Variants in GLG1 observed in about 807,000 individuals in gnomAD.
GLG1 encodes the protein golgi glycoprotein 1.
A neutral mutation model predicts 160.5 loss-of-function variants in GLG1; 38 were observed. The ratio of observed to expected loss-of-function variants is 0.24; its 90% CI spans 0.18 to 0.31. The LOEUF is 0.31. GLG1 is among the 10% of genes least tolerant of loss of function. The probability of loss-of-function intolerance (pLI) is 1.00; values close to 1 mark genes in which losing one functional copy is unlikely to be tolerated. For synonymous variants in GLG1, 644 were observed against 543.4 expected (o/e 1.19, Z -2.57); for missense variants, 1,373 against 1,505.2 (o/e 0.91, Z 1.45).
chr16:74,472,772 A>G (rs2015251481), intron 13 of GLG1: 3 of 380,832 alleles, frequency 7.9e-6, no homozygotes, highest in South Asian at 4.0e-5. Context: ...ACTGATATCC[A>G]TCTTCAGTTT....
intron 1 of GLG1, among the ~76,000 whole-genome samples, chr16:74,544,226 C>T (rs536536594): frequency 3.9e-5 from 6 of 152,228 alleles, no homozygotes; most frequent in South Asian, 4.1e-4. Context: ...CTATGCAGCA[C>T]AAATTTTGGA....
chr16:74,463,722 T>C (rs1268605630), intron 19 of GLG1, among the ~76,000 whole-genome samples: 1 of 107,190 alleles, frequency 9.3e-6, no homozygotes, highest in Non-Finnish European at 1.9e-5. Flanking sequence ...CAGCTCATTT[T>C]TGTGTTTTTT....
chr16:74,560,380 T>G (rs2018477708), intron 1 of GLG1, among the ~76,000 whole-genome samples: 2 of 139,348 alleles, frequency 1.4e-5, no homozygotes. Flanking sequence ...CAGGCTGGAG[T>G]GCAATGGCAC....
At position 74,582,493 on chromosome 16, in the gene GLG1, C is replaced by G. The variant is rs546131225; in HGVS notation, c.438+24164G>C. On this transcript the variant is annotated intron_variant, in intron 1 of 25. Transcript: ENST00000422840. ...AGGAATGTCCTCCCTTTTAGATAGT[C>G]TCACCTTCTCTTCACTATCAAACTT... 5.3e-5 allele frequency among the ~76,000 whole-genome samples: 8 copies of G among 152,222 alleles called. 1 individual carries two copies. The South Asian group carries it at 1.2e-3, about 24-fold the overall frequency.
intron 1 of GLG1, among the ~76,000 whole-genome samples, chr16:74,536,596 G>A (rs1270501785): frequency 6.6e-6 from 1 of 152,208 alleles, no homozygotes; most frequent in Non-Finnish European, 1.5e-5. Context: ...CTCCAAAAAG[G>A]AGTGGAGTGA....
chr16:74,484,788 G>A (rs1242313187), intron 9 of GLG1, among the ~76,000 whole-genome samples: 2 of 151,998 alleles, frequency 1.3e-5, no homozygotes, highest in Non-Finnish European at 2.9e-5. Context: ...AAAATAAATT[G>A]TATTTTTAGT....
chr16:74,496,654 C>G lies in GLG1; in HGVS notation c.775-10G>C. On this transcript the variant is annotated splice_polypyrimidine_tract_variant and intron_variant, in intron 4 of 25. Transcript: ENST00000422840. ...CTTGTGAATGTGCATCCTAAAATAG[C>G]GAGGATATTAATATTTTAAAACTTT... 3 of 1,518,410 alleles carry G rather than the reference C, an allele frequency of 2.0e-6. No homozygotes were observed. The highest frequency in any genetic ancestry group is 2.7e-6 in the Non-Finnish European group (3 of 1,110,010). The allele number at this position is 1,518,410 out of a possible 1,614,324, so 94.1% of individuals were successfully genotyped here.
At chr16:74,591,055 G>A (rs746077800) in intron 1 of GLG1, among the ~76,000 whole-genome samples, 11 of 152,206 alleles carry the variant, frequency 7.2e-5, no homozygotes, top group South Asian at 2.1e-4. Flanking sequence ...TTACAGGGCC[G>A]GATGCCGTGG....
intron 2 of GLG1, among the ~76,000 whole-genome samples, chr16:74,515,523 G>A (rs1351476837): frequency 6.6e-6 from 1 of 152,084 alleles, no homozygotes; most frequent in Admixed American, 6.6e-5. Flanking sequence ...CATGGAAACT[G>A]AACAACCTGC....
At chr16:74,466,517 T>C (rs1597229515) in intron 18 of GLG1, among the ~76,000 whole-genome samples, 4 of 152,214 alleles carry the variant, frequency 2.6e-5, no homozygotes, top group Admixed American at 2.6e-4. Context: ...CGTCAAGGCA[T>C]GGCCAAGAAT....
chr16:74,461,311 G>A (rs2014782397), intron 22 of GLG1, among the ~76,000 whole-genome samples: 1 of 150,998 alleles, frequency 6.6e-6, no homozygotes, highest in Admixed American at 6.6e-5. Context: ...GGGACTACAG[G>A]TATACGCCAC....
At chr16:74,505,722 G>A (rs921840151) in intron 3 of GLG1, among the ~76,000 whole-genome samples, 1 of 152,206 alleles carries the variant, frequency 6.6e-6, no homozygotes, top group Non-Finnish European at 1.5e-5. Context: ...AGGTGTGGCG[G>A]CGTGCGCCTG....
intron 2 of GLG1, among the ~76,000 whole-genome samples, chr16:74,521,137 A>AT (rs2017150481): frequency 6.6e-6 from 1 of 152,200 alleles, no homozygotes; most frequent in African/African-American, 2.4e-5. Flanking sequence ...AGTCAGGAAC[A>AT]TTTTCTGAGT....
At chr16:74,587,064 CAAG>C (rs1958071120) in intron 1 of GLG1, among the ~76,000 whole-genome samples, 2 of 152,078 alleles carry the variant, frequency 1.3e-5, no homozygotes, top group Non-Finnish European at 2.9e-5. Context: ...AGTTAAAATC[CAAG>C]AAGTAATGAT....
chr16:74,606,845 G>A lies in GLG1; in HGVS notation c.250C>T (p.Gln84Ter). The A allele has an allele frequency of 6.3e-7, 1 of 1,596,834 alleles. No individual in the cohort carries two copies. The highest frequency in any genetic ancestry group is 8.5e-7 in the Non-Finnish European group (1 of 1,172,628). Residue 84 changes from glutamine to a stop codon, truncating the protein, a stop_gained, in exon 1 of 26, where the codon CAG becomes TAG. Coordinates refer to ENST00000422840, the MANE Select transcript of GLG1 (RefSeq NM_001145667.2). LOFTEE classifies it high-confidence loss of function. ...AAAGGCGGCTGCGGCGGCTGAGGCT[G>A]CTGTTGCTGTTGCTGCTGCTGCTGT... ...QQQQQQQQQQ[Q>*]PQPPQPPFPA...
chr16:74,459,264 G>A (rs1272491673), intron 23 of GLG1, among the ~76,000 whole-genome samples: 2 of 152,288 alleles, frequency 1.3e-5, no homozygotes, highest in African/African-American at 4.8e-5. Context: ...GGATCACGAG[G>A]TCAGGAGATC....
intron 19 of GLG1, among the ~76,000 whole-genome samples, 195 bp from the exon 20 acceptor site, chr16:74,463,674 C>A (rs1374854591): frequency 6.6e-6 from 1 of 152,142 alleles, no homozygotes; most frequent in Non-Finnish European, 1.5e-5. Flanking sequence ...AAGTCAGCCT[C>A]CTGAGTAGCG....
intron 5 of GLG1, 127 bp downstream of exon 5, chr16:74,496,314 C>G: frequency 9.1e-6 from 6 of 662,364 alleles, no homozygotes; most frequent in Non-Finnish European, 1.5e-5. Context: ...GTCAGAAGTT[C>G]GTGACCAGCC....
At chr16:74,602,876 T>C (rs1303828008) in intron 1 of GLG1, among the ~76,000 whole-genome samples, 1 of 151,688 alleles carries the variant, frequency 6.6e-6, no homozygotes, top group East Asian at 1.9e-4. Context: ...TAAGAAAATC[T>C]ATGGGGCACG....
Sources: gnomAD v4.1 joint callset for allele counts (sites outside exome capture counted in the v4.1 genomes callset) on GRCh38, gnomAD v4.1.1 for gene constraint, MANE v1.5 for transcripts, NCBI Gene and HGNC (gene_info 2026-07-23, HGNC 2026-07-21) for gene names.